The following SP8 variants were observed in gnomAD, a reference collection of about 807,000 sequenced individuals.
SP8 encodes the protein transcription factor Sp8.
A neutral mutation model predicts 15.3 loss-of-function variants in SP8; 7 were observed. The observed-to-expected ratio is 0.46, with a 90% confidence interval of 0.26 to 0.86. The LOEUF (loss-of-function observed/expected upper bound fraction) is 0.86, where lower values mean the gene tolerates loss of function less well. Among genes scored for constraint, SP8 ranks in the 40% least tolerant of loss-of-function variants. The pLI, the probability that SP8 is intolerant of heterozygous loss-of-function variation, is 0.16. For synonymous variants in SP8, 415 were observed against 356.3 expected, an observed-to-expected ratio of 1.16 and a Z score of -1.86; for missense variants, 731 against 736.4, an observed-to-expected ratio of 0.99 and a Z score of 0.09.
rs1294707479 is a variant in SP8 at position 20,784,852 on chromosome 7, C to T, written c.965G>A (p.Gly322Asp). The T allele has an allele frequency of 5.9e-6, 9 of 1,525,350 alleles. No homozygotes were observed. The highest frequency in any genetic ancestry group is 2.8e-5 in the African/African-American group (2 of 70,964). The allele number at this position is 1,525,350 out of a possible 1,614,324, so 94.5% of individuals were successfully genotyped here. A position where few individuals can be genotyped will look rare whatever the true frequency, so the allele number is the denominator to read the frequency against. The change falls in exon 2 of 2, where the codon GGC becomes GAC. Residue 322 changes from glycine (G) to aspartate (D), a missense_variant. Physicochemically the swap from Gly to Asp is moderately conservative, Grantham distance 94. Transcript: ENST00000418710. ...CGAAGGCCCAGCGCTCAACATGGAG[C>T]CCCCCGCGCCGGCCAGCGGCGACGG... ...SAPSPLAGAG[G>D]SMLSAGPSAP...
In SP8 at chr7:20,785,057, C is replaced by T; in HGVS notation, c.760G>A (p.Ala254Thr). ...AGCGAGGTTTGGAGCCCCCCGGCGG[C>T]AGGGTGCAGCGAGCCGGGCAGCGCA... is the stretch of plus-strand genomic sequence containing the variant. Reference protein sequence around the residue: ...AAALPGSLHPAAGGLQTSLHS... With the variant: ...AAALPGSLHPTAGGLQTSLHS... Residue 254 changes from alanine (A) to threonine (T), a missense_variant, in exon 2 of 2, where the codon GCC (alanine) becomes ACC (threonine). Ala to Thr is a moderately conservative substitution (Grantham distance 58). Around this residue, in one of 3 missense-constraint regions of SP8, gnomAD observed 586 missense variants for 524.9 expected, o/e 1.12. Transcript: ENST00000418710. The surrounding 1 kb of genome is among the most constrained non-coding windows in gnomAD (Gnocchi z 7.2). The T allele has an allele frequency of 6.3e-7, 1 of 1,578,894 alleles. No homozygotes were observed. Among genetic ancestry groups the T allele is most frequent in the South Asian group, 1.1e-5 (1 of 88,980 alleles).
In SP8 at chr7:20,783,943, A is replaced by C; in HGVS notation, c.*347T>G. ...TACCTCCAGTGGCCGTTCCCTCTAAAAGTTACGCCCTTCACAACCTGGGGG... is the reference window on the plus strand; with the variant it reads ...TACCTCCAGTGGCCGTTCCCTCTAACAGTTACGCCCTTCACAACCTGGGGG... On this transcript the variant is annotated 3_prime_UTR_variant, in exon 2 of 2. Transcript: ENST00000418710. 2 of 292,844 alleles carry C rather than the reference A, an allele frequency of 6.8e-6. No individual in the cohort carries two copies. The highest frequency in any genetic ancestry group is 1.2e-5 in the Non-Finnish European group (2 of 161,484). 18.1% of individuals were successfully genotyped at this position (292,844 alleles called of 1,614,324 possible).
At position 20,786,273 on chromosome 7, in the gene SP8, T is replaced by G. The variant is rs1783676266; in HGVS notation, c.22-478A>C. On this transcript the variant is annotated intron_variant, in intron 1 of 1. Transcript: ENST00000418710. The surrounding 1 kb of genome is among the most constrained non-coding windows in gnomAD (Gnocchi z 4.4). Reference sequence around the variant, plus strand: ...CCCCAGAAACCCATCCTGGGTTGTTTCTCCCAGGCCAAAAGAAATCAAACT... The same window carrying G: ...CCCCAGAAACCCATCCTGGGTTGTTGCTCCCAGGCCAAAAGAAATCAAACT... Among the ~76,000 whole-genome samples the G allele has an allele frequency of 2.6e-5, 4 of 152,118 alleles. No homozygotes were observed. The highest frequency in any genetic ancestry group is 2.6e-4 in the Admixed American group (4 of 15,284).
chr7:20,785,325 G>A lies in SP8; in HGVS notation c.492C>T (p.Gly164=). Residue 164 remains glycine, a synonymous_variant, in exon 2 of 2, where the codon GGC becomes GGT. Transcript: ENST00000418710. This position sits in a 1 kb window ranked among gnomAD's most constrained non-coding sequence, Gnocchi z 7.2. ...CGTCCTGCGAGTGCGCGGAGGAGCC[G>A]CCGCCGCCGCCCCCGCCGCCGCCGC... ...GSGGGGGGGG[G]GSSAHSQDGS... The A allele has an allele frequency of 7.0e-7, 1 of 1,436,200 alleles. No homozygotes were observed. Among genetic ancestry groups the A allele is most frequent in the East Asian group, 2.9e-5 (1 of 34,042 alleles). The allele number at this position is 1,436,200 out of a possible 1,614,324, so 89.0% of individuals were successfully genotyped here.
Position 20,786,249 on chromosome 7 carries a change from C to T in SP8, c.22-454G>A, listed in dbSNP as rs1386725648. 1.3e-5 allele frequency among the ~76,000 whole-genome samples: 2 copies of T among 152,270 alleles called. No individual in the cohort carries two copies. The highest frequency in any genetic ancestry group is 4.8e-5 in the African/African-American group (2 of 41,546). On this transcript the variant is annotated intron_variant, in intron 1 of 1. Transcript: ENST00000418710. This position sits in a 1 kb window ranked among gnomAD's most constrained non-coding sequence, Gnocchi z 4.4. Reference sequence around the variant, plus strand: ...GAGCTTTGAAAAACCTGTTCGGGTCCCCAGAAACCCATCCTGGGTTGTTTC... The same window carrying T: ...GAGCTTTGAAAAACCTGTTCGGGTCTCCAGAAACCCATCCTGGGTTGTTTC...
rs774851826 is a variant in SP8 at position 20,785,775 on chromosome 7, C to G, written c.42G>C (p.Ser14=). 2.6e-5 allele frequency: 42 copies of G among 1,610,726 alleles called. No individual in the cohort carries two copies. The Admixed American group carries it at 3.3e-4, about 13-fold the overall frequency. ...SLLGEEPRLG[S]TPLAMLAATC... ...TAGCGGCAAGCATGGCCAGAGGAGT[C>G]GATCCCAACCTCGGTTCTTCCTGCG... The change falls in exon 2 of 2, where the codon TCG becomes TCC. Residue 14 remains serine, a synonymous_variant. Transcript: ENST00000418710. The surrounding 1 kb of genome is among the most constrained non-coding windows in gnomAD (Gnocchi z 7.2).
In SP8 at chr7:20,785,045, G is replaced by GC. The variant is rs1176123356; in HGVS notation, c.771dup (p.Leu258AlafsTer308). 6.3e-7 allele frequency: 1 copy of GC among 1,578,668 alleles called. No individual in the cohort carries two copies. Among genetic ancestry groups the GC allele is most frequent in the Non-Finnish European group, 8.6e-7 (1 of 1,167,680 alleles). On this transcript the variant is annotated frameshift_variant, in exon 2 of 2. Coordinates refer to ENST00000418710, the MANE Select transcript of SP8 (RefSeq NM_182700.6). LOFTEE classifies it high-confidence loss of function. This position sits in a 1 kb window ranked among gnomAD's most constrained non-coding sequence, Gnocchi z 7.2. ...AGCGGCGAGTGCAGCGAGGTTTGGA[G>GC]CCCCCCGGCGGCAGGGTGCAGCGAG...
At position 20,785,366 on chromosome 7, in the gene SP8, C is replaced by T. The variant is rs760910011; in HGVS notation, c.451G>A (p.Val151Ile). The T allele has an allele frequency of 2.2e-5, 32 of 1,471,896 alleles. No homozygotes were observed. The South Asian group carries it at 2.5e-4, about 11-fold the overall frequency. 91.2% of individuals were successfully genotyped at this position (1,471,896 alleles called of 1,614,324 possible). A position where few individuals can be genotyped will look rare whatever the true frequency, so the allele number is the denominator to read the frequency against. Residue 151 changes from valine (V) to isoleucine (I), a missense_variant, in exon 2 of 2, where the codon GTT becomes ATT. Transcript: ENST00000418710. The surrounding 1 kb of genome is among the most constrained non-coding windows in gnomAD (Gnocchi z 7.2). ...NDYSVFQAPG[V>I]SGGSGGGGGG... ...CCGCCGCCGCCGCTGCCCCCGGAAA[C>T]TCCGGGGGCCTGGAAAACAGAGTAG...
chr7:20,785,566 G>T lies in SP8; in HGVS notation c.251C>A (p.Ser84Tyr), dbSNP rs1562607262. ...VSGASRNGGS[S>Y]SAAAAAAAAA... Reference sequence around the variant, plus strand: ...TGCCGCGGCCGCCGCAGCCGCCGAGGACGAGCCGCCGTTCCTGGAGGCCCC... The same window carrying T: ...TGCCGCGGCCGCCGCAGCCGCCGAGTACGAGCCGCCGTTCCTGGAGGCCCC... The change falls in exon 2 of 2, where the codon TCC (serine) becomes TAC (tyrosine). Residue 84 changes from serine (S) to tyrosine (Y), a missense_variant. Around this residue, in one of 3 missense-constraint regions of SP8, gnomAD observed 586 missense variants for 524.9 expected, o/e 1.12. Coordinates refer to ENST00000418710, the MANE Select transcript of SP8 (RefSeq NM_182700.6). The surrounding 1 kb of genome is among the most constrained non-coding windows in gnomAD (Gnocchi z 7.2). The T allele has an allele frequency of 6.3e-7, 1 of 1,581,966 alleles. No homozygotes were observed. Among genetic ancestry groups the T allele is most frequent in the Non-Finnish European group, 8.6e-7 (1 of 1,165,900 alleles).
Position 20,784,158 on chromosome 7 carries a change from G to A in SP8, c.*132C>T. ...AAGTCACAGAAGGAAGAAGGAAGAG[G>A]GGCAGAAACAGAAAGAGACAGAGAG... On this transcript the variant is annotated 3_prime_UTR_variant, in exon 2 of 2. Coordinates refer to ENST00000418710, the MANE Select transcript of SP8 (RefSeq NM_182700.6). 1 of 795,468 alleles carries A rather than the reference G, an allele frequency of 1.3e-6. No individual in the cohort carries two copies. The highest frequency in any genetic ancestry group is 2.6e-5 in the South Asian group (1 of 37,944). The allele number at this position is 795,468 out of a possible 1,614,324, so 49.3% of individuals were successfully genotyped here. A position where few individuals can be genotyped will look rare whatever the true frequency, so the allele number is the denominator to read the frequency against.
Position 20,782,944 on chromosome 7 carries a change from C to T in SP8, c.*1346G>A, listed in dbSNP as rs1200701498. 3 of 152,538 alleles carry T rather than the reference C, an allele frequency of 2.0e-5. No individual in the cohort carries two copies. The highest frequency in any genetic ancestry group is 4.4e-5 in the Non-Finnish European group (3 of 68,028). The allele number at this position is 152,538 out of a possible 1,614,324, so 9.4% of individuals were successfully genotyped here. A position where few individuals can be genotyped will look rare whatever the true frequency, so the allele number is the denominator to read the frequency against. ...CAAAATCGTCTCCTGGACAACTGCA[C>T]CTCACACCCTTACACTGGCGGAGTT... On this transcript the variant is annotated 3_prime_UTR_variant, in exon 2 of 2. Transcript: ENST00000418710.
chr7:20,784,822 G>T lies in SP8; in HGVS notation c.995C>A (p.Pro332Gln). The change falls in exon 2 of 2, where the codon CCG (proline) becomes CAG (glutamine). Residue 332 changes from proline (P) to glutamine (Q), a missense_variant. Transcript: ENST00000418710. ...GSMLSAGPSA[P>Q]LGGSPRSSAR... ...TGAGGAGCGCGGGGAGCCCCCCAGCGGCGCCGAAGGCCCAGCGCTCAACAT... is the reference window on the plus strand; with the variant it reads ...TGAGGAGCGCGGGGAGCCCCCCAGCTGCGCCGAAGGCCCAGCGCTCAACAT... The T allele has an allele frequency of 6.6e-7, 1 of 1,525,896 alleles. No individual in the cohort carries two copies. 94.5% of individuals were successfully genotyped at this position (1,525,896 alleles called of 1,614,324 possible). A position where few individuals can be genotyped will look rare whatever the true frequency, so the allele number is the denominator to read the frequency against.
rs1328101839 is a variant in SP8, at chr7:20,784,039, A to G, written c.*251T>C. ...CGACGAGGCGCGGGTTCCGGCTGCAACGGGTTCAGGCAGCGTTACCCGTGG... is the reference window on the plus strand; with the variant it reads ...CGACGAGGCGCGGGTTCCGGCTGCAGCGGGTTCAGGCAGCGTTACCCGTGG... On this transcript the variant is annotated 3_prime_UTR_variant, in exon 2 of 2. Coordinates refer to ENST00000418710, the MANE Select transcript of SP8 (RefSeq NM_182700.6). The G allele has an allele frequency of 6.8e-6, 3 of 443,256 alleles. No individual in the cohort carries two copies. The highest frequency in any genetic ancestry group is 6.2e-5 in the African/African-American group (3 of 48,610). 27.5% of individuals were successfully genotyped at this position (443,256 alleles called of 1,614,324 possible).
Position 20,785,316 on chromosome 7 carries a change from G to T in SP8, c.501C>A (p.Ser167=), listed in dbSNP as rs1176720476. The T allele has an allele frequency of 1.1e-5, 17 of 1,507,502 alleles. No individual in the cohort carries two copies. Among genetic ancestry groups the T allele is most frequent in the Non-Finnish European group, 1.4e-5 (16 of 1,130,996 alleles). The allele number at this position is 1,507,502 out of a possible 1,614,324, so 93.4% of individuals were successfully genotyped here. ...GGGGGGGGGS[S]AHSQDGSHQP... ...GGTGGGAGCCGTCCTGCGAGTGCGCGGAGGAGCCGCCGCCGCCGCCCCCGC... is the reference window on the plus strand; with the variant it reads ...GGTGGGAGCCGTCCTGCGAGTGCGCTGAGGAGCCGCCGCCGCCGCCCCCGC... The change falls in exon 2 of 2, where the codon TCC becomes TCA. Residue 167 remains serine, a synonymous_variant. Coordinates refer to ENST00000418710, the MANE Select transcript of SP8 (RefSeq NM_182700.6). This position sits in a 1 kb window ranked among gnomAD's most constrained non-coding sequence, Gnocchi z 7.2.
In SP8 at chr7:20,785,335, C is replaced by G; in HGVS notation, c.482G>C (p.Gly161Ala). ...VSGGSGGGGGGGGGGSSAHSQ... is the reference protein window; with the variant it reads ...VSGGSGGGGGAGGGGSSAHSQ... ...GTGCGCGGAGGAGCCGCCGCCGCCG[C>G]CCCCGCCGCCGCCGCCGCTGCCCCC... Residue 161 changes from glycine to alanine, a missense_variant, in exon 2 of 2, where the codon GGC becomes GCC. Physicochemically the swap from Gly to Ala is moderately conservative, Grantham distance 60. Coordinates refer to ENST00000418710, the MANE Select transcript of SP8 (RefSeq NM_182700.6). The surrounding 1 kb of genome is among the most constrained non-coding windows in gnomAD (Gnocchi z 7.2). 1 of 1,379,026 alleles carries G rather than the reference C, an allele frequency of 7.3e-7. No individual in the cohort carries two copies. The highest frequency in any genetic ancestry group is 2.6e-5 in the Admixed American group (1 of 37,918). The allele number at this position is 1,379,026 out of a possible 1,614,324, so 85.4% of individuals were successfully genotyped here.
chr7:20,785,543 C>T lies in SP8; in HGVS notation c.274G>A (p.Ala92Thr). The change falls in exon 2 of 2, where the codon GCA (alanine) becomes ACA (threonine). Residue 92 changes from alanine (A) to threonine (T), a missense_variant. Physicochemically the swap from Ala to Thr is moderately conservative, Grantham distance 58. Around this residue, in one of 3 missense-constraint regions of SP8, gnomAD observed 586 missense variants for 524.9 expected, o/e 1.12. Transcript: ENST00000418710. The surrounding 1 kb of genome is among the most constrained non-coding windows in gnomAD (Gnocchi z 7.2). Reference protein sequence around the residue: ...GSSSAAAAAAAAAAAAAALVS... With the variant: ...GSSSAAAAAATAAAAAAALVS... ...AGGGCCGCGGCAGCCGCGGCTGCTG[C>T]CGCGGCCGCCGCAGCCGCCGAGGAC... is the stretch of plus-strand genomic sequence containing the variant. 3 of 1,355,734 alleles carry T rather than the reference C, an allele frequency of 2.2e-6. No individual in the cohort carries two copies. The highest frequency in any genetic ancestry group is 2.9e-6 in the Non-Finnish European group (3 of 1,035,026). The allele number at this position is 1,355,734 out of a possible 1,614,324, so 84.0% of individuals were successfully genotyped here.
rs373499195 is a variant in SP8 at position 20,782,528 on chromosome 7, T to C, written c.*1762A>G. On this transcript the variant is annotated 3_prime_UTR_variant, in exon 2 of 2. Transcript: ENST00000418710. ...TCAGGAAATACACAAAGGCCAAAGT[T>C]AGTCGAGTTTCACTTGGACAATTTA... is the stretch of plus-strand genomic sequence containing the variant. The C allele has an allele frequency of 9.2e-5, 14 of 151,986 alleles. No homozygotes were observed. The highest frequency in any genetic ancestry group is 3.2e-4 in the African/African-American group (13 of 41,150). The allele number at this position is 151,986 out of a possible 1,614,324, so 9.4% of individuals were successfully genotyped here.
chr7:20,784,275 G>A lies in SP8; in HGVS notation c.*15C>T. 4 of 1,450,288 alleles carry A rather than the reference G, an allele frequency of 2.8e-6. No homozygotes were observed. The highest frequency in any genetic ancestry group is 3.6e-6 in the Non-Finnish European group (4 of 1,107,274). 89.8% of individuals were successfully genotyped at this position (1,450,288 alleles called of 1,614,324 possible). A position where few individuals can be genotyped will look rare whatever the true frequency, so the allele number is the denominator to read the frequency against. ...TGGGAGGAGGTCGGGGAGAGGGGCGGGCGCAGGGTGGGCGTCACTCTAGGC... is the reference window on the plus strand; with the variant it reads ...TGGGAGGAGGTCGGGGAGAGGGGCGAGCGCAGGGTGGGCGTCACTCTAGGC... On this transcript the variant is annotated 3_prime_UTR_variant, in exon 2 of 2. Coordinates refer to ENST00000418710, the MANE Select transcript of SP8 (RefSeq NM_182700.6).
chr7:20,783,178 A>C lies in SP8; in HGVS notation c.*1112T>G, dbSNP rs1783545283. 1.8e-3 allele frequency: 1 copy of C among 554 alleles called. No homozygotes were observed. Among genetic ancestry groups the C allele is most frequent in the African/African-American group, 0.038 (1 of 26 alleles). 0.0% of individuals were successfully genotyped at this position (554 alleles called of 1,614,324 possible). ...CCTACGATCTTCATGAATTGAGAGA[A>C]TTTACGAAATTGGTACTATACAATT... On this transcript the variant is annotated 3_prime_UTR_variant, in exon 2 of 2. Transcript: ENST00000418710.
Sources: allele counts gnomAD v4.1 joint callset (sites outside exome capture counted in the v4.1 genomes callset), GRCh38; gene constraint gnomAD v4.1.1; regional missense constraint gnomAD v4.1.1; non-coding constraint Gnocchi (gnomAD v3.1); transcripts MANE v1.5; gene names NCBI Gene and HGNC (gene_info 2026-07-23, HGNC 2026-07-21).